Variants in ASB15 observed in about 807,000 individuals in gnomAD.
ASB15 encodes ankyrin repeat and SOCS box containing 15.
A neutral mutation model predicts 58.0 loss-of-function variants in ASB15; 54 were observed. The ratio of observed to expected loss-of-function variants is 0.93; its 90% confidence interval spans 0.75 to 1.17. ASB15 has a LOEUF of 1.17. Among genes scored for constraint, ASB15 ranks in the 50% most tolerant of loss-of-function variants. The pLI is 0.00. For missense variants in ASB15, 680 were observed against 707.4 expected (o/e 0.96, Z 0.44); for synonymous variants, 249 against 262.4 (o/e 0.95, Z 0.50).
At position 123,637,878 on chromosome 7, in the gene ASB15, T is replaced by TAAAAAAAAAAAAAAAAAACAAA. The variant is rs1802501822; in HGVS notation, c.*915_*916insCAAAAAAAAAAAAAAAAAAAAA. On this transcript the variant is annotated 3_prime_UTR_variant, in exon 12 of 12. Transcript: ENST00000451215. ...AAATTCAACATGTCCCCAGATGAAC[T>TAAAAAAAAAAAAAAAAAACAAA]AAAAAAAAAAAAAAAAAAAAAACCT... 1.9e-5 allele frequency: 1 copy of TAAAAAAAAAAAAAAAAAACAAA among 52,468 alleles called. No homozygotes were observed. Among genetic ancestry groups the TAAAAAAAAAAAAAAAAAACAAA allele is most frequent in the Non-Finnish European group, 3.7e-5 (1 of 26,694 alleles). 3.3% of individuals were successfully genotyped at this position (52,468 alleles called of 1,614,324 possible).
At chr7:123,631,614 G>C (rs1802121009) in intron 11 of ASB15, among the ~76,000 whole-genome samples, 2 of 152,036 alleles carry the variant, frequency 1.3e-5, no homozygotes, top group South Asian at 2.1e-4. Flanking sequence ...AAACAAGAAA[G>C]GACCCACAAA....
chr7:123,615,221 A>G (rs1175356598), intron 4 of ASB15: 1 of 152,284 alleles, frequency 6.6e-6, no homozygotes, highest in African/African-American at 2.4e-5. Flanking sequence ...TGTATTATGT[A>G]GGTAGGATTT....
In ASB15 at chr7:123,617,581, T is replaced by A; in HGVS notation, c.295T>A (p.Ser99Thr). 1 of 1,606,118 alleles carries A rather than the reference T, an allele frequency of 6.2e-7. No homozygotes were observed. Residue 99 changes from serine to threonine, a missense_variant and splice_region_variant, in exon 7 of 12, where the codon TCC becomes ACC. Transcript: ENST00000451215. The part of the protein sequence containing the change: ...QQILEIVLDA[S>T]YKTLWEFKTC... ...AACATAATGCTTTCATGTCACAGCA[T>A]CCTATAAGACACTCTGGGAATTCAA...
intron 9 of ASB15, among the ~76,000 whole-genome samples, 180 bp from the exon 10 acceptor site, chr7:123,628,684 A>G (rs933279050): frequency 2.0e-5 from 3 of 152,256 alleles, no homozygotes; most frequent in African/African-American, 7.2e-5. Flanking sequence ...ACTGAGCTAC[A>G]TTACACTAAA....
chr7:123,616,362 A>T lies in ASB15; in HGVS notation c.161-2A>T, dbSNP rs368176989. The T allele has an allele frequency of 8.3e-5, 133 of 1,610,198 alleles. No homozygotes were observed. Among genetic ancestry groups the T allele is most frequent in the Non-Finnish European group, 1.1e-4 (132 of 1,176,982 alleles). Reference sequence around the variant, plus strand: ...AGTCATCAGTCCATGTGTTTAATTTAGGTCACATTCCTGAGCTCCAGGAGT... The same window carrying T: ...AGTCATCAGTCCATGTGTTTAATTTTGGTCACATTCCTGAGCTCCAGGAGT... On this transcript the variant is annotated splice_acceptor_variant, in intron 5 of 11. Transcript: ENST00000451215. LOFTEE classifies it high-confidence loss of function.
At chr7:123,619,684 C>T (rs899260331) in intron 7 of ASB15, among the ~76,000 whole-genome samples, 6 of 152,070 alleles carry the variant, frequency 3.9e-5, no homozygotes, top group African/African-American at 1.4e-4. Flanking sequence ...CCACCACGCC[C>T]AGCTAATGTT....
intron 1 of ASB15, among the ~76,000 whole-genome samples, chr7:123,602,339 T>C (rs897169417): frequency 1.3e-5 from 2 of 152,150 alleles, no homozygotes; most frequent in African/African-American, 4.8e-5. Flanking sequence ...GAATGCTTTC[T>C]GCCCAGATTG....
At chr7:123,588,786 C>T (rs1008034170) in intron 1 of ASB15, among the ~76,000 whole-genome samples, 2 of 151,240 alleles carry the variant, frequency 1.3e-5, no homozygotes, top group Non-Finnish European at 1.5e-5. Flanking sequence ...TTTTGTTTGT[C>T]TCAAGAGTTT....
rs948901095 is a variant in ASB15 at position 123,601,830 on chromosome 7, G to T, written c.-329G>T. 1 of 152,126 alleles carries T rather than the reference G, an allele frequency of 6.6e-6. No individual in the cohort carries two copies. The highest frequency in any genetic ancestry group is 1.5e-5 in the Non-Finnish European group (1 of 68,030). The allele number at this position is 152,126 out of a possible 1,614,324, so 9.4% of individuals were successfully genotyped here. The stretch of plus-strand genomic sequence containing the variant: ...CTGGATACTTAATTTTAGATACACA[G>T]AAGCACACATTGGCTCCAGGGCACT... On this transcript the variant is annotated 5_prime_UTR_variant, in exon 1 of 12. Transcript: ENST00000451215.
intron 7 of ASB15, chr7:123,620,109 A>G (rs549743535): frequency 6.6e-6 from 1 of 152,248 alleles, no homozygotes; most frequent in Admixed American, 6.5e-5. Flanking sequence ...AGGCAGCAGG[A>G]AGGACTAAAG....
intron 1 of ASB15, among the ~76,000 whole-genome samples, chr7:123,578,685 G>C (rs1298279603): frequency 6.6e-6 from 1 of 151,944 alleles, no homozygotes; most frequent in East Asian, 1.9e-4. Flanking sequence ...TCATTCAATA[G>C]CTTAGTCTTT....
At chr7:123,599,476 A>G (rs779632753), upstream of ASB15, among the ~76,000 whole-genome samples, 6 of 152,186 alleles carry the variant, frequency 3.9e-5, no homozygotes, top group Non-Finnish European at 8.8e-5. Context: ...CTGTTTTTTA[A>G]AATCCAGGCC....
chr7:123,617,510 G>T, intron 6 of ASB15, 69 bp from the exon 7 acceptor site: 1 of 1,363,028 alleles, frequency 7.3e-7, no homozygotes, highest in Non-Finnish European at 1.0e-6. Flanking sequence ...ATATTGGATT[G>T]CTCTGATTTG....
At chr7:123,605,109 C>A (rs975041968) in intron 2 of ASB15, among the ~76,000 whole-genome samples, 2 of 152,070 alleles carry the variant, frequency 1.3e-5, no homozygotes, top group Non-Finnish European at 2.9e-5. Flanking sequence ...GACTTGAGCA[C>A]CAGACAGGAT....
At chr7:123,625,387 C>G (rs1183303303) in intron 8 of ASB15, among the ~76,000 whole-genome samples, 1 of 152,158 alleles carries the variant, frequency 6.6e-6, no homozygotes, top group Non-Finnish European at 1.5e-5. Flanking sequence ...CAACTTGGCT[C>G]CTCTCCCTAT....
chr7:123,602,261 AT>A (rs1799914656), intron 1 of ASB15, among the ~76,000 whole-genome samples: 2 of 152,170 alleles, frequency 1.3e-5, no homozygotes, highest in South Asian at 4.1e-4. Context: ...AATAAAAAAA[AT>A]TAAATAATTT....
Position 123,629,211 on chromosome 7 carries a change from T to C in ASB15, c.1217T>C (p.Val406Ala). ...CTGCTTCTCTCCCATGGAGCTAATG[T>C]CAATTGTTATTTTATGCATGTGAAT... ...VRLLLSHGAN[V>A]NCYFMHVNDT... Residue 406 changes from valine to alanine, a missense_variant, in exon 10 of 12, where the codon GTC becomes GCC. By Grantham distance (64) the Val-to-Ala change is moderately conservative. Transcript: ENST00000451215. 1 of 1,613,844 alleles carries C rather than the reference T, an allele frequency of 6.2e-7. No individual in the cohort carries two copies. Among genetic ancestry groups the C allele is most frequent in the Non-Finnish European group, 8.5e-7 (1 of 1,179,720 alleles).
chr7:123,602,146 A>G (rs1167839015), intron 1 of ASB15, among the ~76,000 whole-genome samples: 1 of 152,158 alleles, frequency 6.6e-6, no homozygotes, highest in Non-Finnish European at 1.5e-5. Flanking sequence ...AAGCATAAAA[A>G]ATTGTATCAT....
intron 9 of ASB15, among the ~76,000 whole-genome samples, chr7:123,628,128 T>A (rs1801910117): frequency 6.6e-6 from 1 of 152,226 alleles, no homozygotes; most frequent in African/African-American, 2.4e-5. Flanking sequence ...TCACATGTAC[T>A]TAGAAACATA....
Sources: allele counts gnomAD v4.1 joint callset (sites outside exome capture counted in the v4.1 genomes callset), GRCh38; gene constraint gnomAD v4.1.1; transcripts MANE v1.5; gene names NCBI Gene and HGNC (gene_info 2026-07-23, HGNC 2026-07-21).